SETD2: variants seen among roughly 807,000 people sequenced by gnomAD.
The protein encoded by SETD2 is histone-lysine N-methyltransferase SETD2.
SETD2 carries 31 observed loss-of-function variants against 242.1 expected under a neutral mutation model. The ratio of observed to expected loss-of-function variants is 0.13; its 90% CI spans 0.10 to 0.17. The LOEUF (loss-of-function observed/expected upper bound fraction) is 0.17, where lower values mean the gene tolerates loss of function less well. Among genes scored for constraint, SETD2 ranks in the 10% least tolerant of loss-of-function variants. SETD2 has a pLI of 1.00. For synonymous variants in SETD2, 1,006 were observed against 1,066.5 expected (o/e 0.94, Z 1.11); for missense variants, 2,481 against 3,046.3 (o/e 0.81, Z 4.37).
At chr3:47,127,123 G>T (rs2043352113) in intron 1 of SETD2, among the ~76,000 whole-genome samples, 1 of 152,146 alleles carries the variant, frequency 6.6e-6, no homozygotes. Flanking sequence ...TTGGGAGGCT[G>T]AGGCCGGCTG....
intron 1 of SETD2, among the ~76,000 whole-genome samples, chr3:47,152,796 G>A (rs1333251475): frequency 3.3e-5 from 5 of 152,194 alleles, no homozygotes; most frequent in African/African-American, 1.2e-4. Context: ...CAAGCCCAGA[G>A]CAGTGCTCCC....
At chr3:47,148,809 C>T (rs1283520262) in intron 1 of SETD2, among the ~76,000 whole-genome samples, 1 of 152,134 alleles carries the variant, frequency 6.6e-6, no homozygotes, top group African/African-American at 2.4e-5. Context: ...CGCCTGTAAT[C>T]CCAGCACTTT....
chr3:47,153,060 C>A (rs1013335309), intron 1 of SETD2, among the ~76,000 whole-genome samples: 2 of 151,972 alleles, frequency 1.3e-5, no homozygotes, highest in Admixed American at 6.6e-5. Context: ...TGGCTCACGC[C>A]TGTAATCCCA....
At chr3:47,134,972 A>G (rs1010009576) in intron 1 of SETD2, among the ~76,000 whole-genome samples, 3 of 152,150 alleles carry the variant, frequency 2.0e-5, no homozygotes, top group South Asian at 2.1e-4. Flanking sequence ...ATCACCTCTC[A>G]TATCAATCAG....
intron 13 of SETD2, 119 bp downstream of exon 13, chr3:47,066,951 C>T: frequency 1.5e-6 from 1 of 661,640 alleles, no homozygotes; most frequent in Non-Finnish European, 2.6e-6. Flanking sequence ...ATTTCATTTA[C>T]CTAGTTATAT....
At chr3:47,062,437 T>A (rs1273125044) in intron 13 of SETD2, 91 bp from the exon 14 acceptor site, 1 of 1,183,992 alleles carries the variant, frequency 8.4e-7, no homozygotes, top group Non-Finnish European at 1.2e-6. Context: ...AACTGTATAA[T>A]AAAACTTCTA....
intron 12 of SETD2, among the ~76,000 whole-genome samples, chr3:47,076,174 A>G (rs1468765759): frequency 6.6e-6 from 1 of 152,210 alleles, no homozygotes; most frequent in Non-Finnish European, 1.5e-5. Context: ...CGGGGGGGAA[A>G]AGGAAGAAAT....
At chr3:47,069,477 T>C (rs2040717390) in intron 12 of SETD2, among the ~76,000 whole-genome samples, 4 of 152,178 alleles carry the variant, frequency 2.6e-5, no homozygotes, top group South Asian at 2.1e-4. Flanking sequence ...AATCTCTGGA[T>C]GTGGATGCCA....
At position 47,123,745 on chromosome 3, in the gene SETD2, C is replaced by G. The variant is rs1223812732; in HGVS notation, c.891G>C (p.Lys297Asn). The G allele has an allele frequency of 6.5e-7, 1 of 1,550,310 alleles. No homozygotes were observed. Among genetic ancestry groups the G allele is most frequent in the East Asian group, 2.4e-5 (1 of 40,904 alleles). The stretch of plus-strand genomic sequence containing the variant: ...CTGTTTTTTTACAGCTCAGACTAAT[C>G]TTAGAACTATCTGGAATTTCTTCAT... ...GKDEEIPDSS[K>N]ISLSCKKTGS... The change falls in exon 3 of 21, where the codon AAG becomes AAC. Residue 297 changes from lysine to asparagine, a missense_variant. By Grantham distance (94) the Lys-to-Asn change is moderately conservative (BLOSUM62 0). Transcript: ENST00000409792.
At chr3:47,160,947 T>C (rs1219192957) in intron 1 of SETD2, among the ~76,000 whole-genome samples, 1 of 152,120 alleles carries the variant, frequency 6.6e-6, no homozygotes, top group Non-Finnish European at 1.5e-5. Flanking sequence ...AAAAAAGACA[T>C]CTTGCAGCTG....
Position 47,120,848 on chromosome 3 carries a change from G to C in SETD2, c.3788C>G (p.Ser1263Cys), listed in dbSNP as rs760745679. 1.2e-6 allele frequency: 2 copies of C among 1,614,112 alleles called. No homozygotes were observed. The highest frequency in any genetic ancestry group is 1.7e-5 in the Admixed American group (1 of 60,010). ...EELRNLGWDF[S>C]QEKPSTTYQQ... Reference sequence around the variant, plus strand: ...ATACGTGGTAGAAGGCTTTTCTTGAGAGAAGTCCCAACCTAAGTTTCTGAG... The same window carrying C: ...ATACGTGGTAGAAGGCTTTTCTTGACAGAAGTCCCAACCTAAGTTTCTGAG... Residue 1263 changes from serine to cysteine, a missense_variant, in exon 3 of 21, where the codon TCT becomes TGT. Ser to Cys is a moderately radical substitution (Grantham distance 112). Coordinates refer to ENST00000409792, the MANE Select transcript of SETD2 (RefSeq NM_014159.7).
chr3:47,025,082 C>T (rs181161114), intron 18 of SETD2, among the ~76,000 whole-genome samples: 1 of 152,334 alleles, frequency 6.6e-6, no homozygotes, highest in East Asian at 1.9e-4. Flanking sequence ...CCAACAAGCA[C>T]CAATTTACTG....
At chr3:47,084,426 C>CTT (rs5848822) in intron 11 of SETD2, 44 bp from the exon 12 acceptor site, 1,561 of 975,876 alleles carry the variant, frequency 1.6e-3, no homozygotes, top group Middle Eastern at 4.1e-3. Context: ...GTACAGTTGA[C>CTT]TTTTTTTTTT....
intron 1 of SETD2, chr3:47,145,665 C>T (rs2043834267): frequency 3.7e-6 from 1 of 269,156 alleles, no homozygotes; most frequent in African/African-American, 2.2e-5. Flanking sequence ...TCAGATTTCA[C>T]ATTTTTGGAT....
At chr3:47,037,919 T>C (rs2039093173) in intron 17 of SETD2, 142 bp from the exon 18 acceptor site, 4 of 614,674 alleles carry the variant, frequency 6.5e-6, no homozygotes, top group Non-Finnish European at 3.0e-6. Flanking sequence ...AGACAAACTT[T>C]TTCTATCTTC....
In SETD2 at chr3:47,123,183, T is replaced by C. The variant is rs1305422724; in HGVS notation, c.1453A>G (p.Thr485Ala). Residue 485 changes from threonine (T) to alanine (A), a missense_variant, in exon 3 of 21, where the codon ACA becomes GCA. Physicochemically the swap from Thr to Ala is moderately conservative, Grantham distance 58. This residue lies in a region of SETD2 where 1,300 missense variants were observed against 1,259.2 expected (regional missense o/e 1.03). Transcript: ENST00000409792. ...CGATCAGATTTAGAATAGGATGATG[T>C]CCTTAGGTCTCTGTAAGAAGAGGAA... ...SHSSSYRDLR[T>A]SSYSKSDRDC... The C allele has an allele frequency of 1.9e-6, 3 of 1,599,692 alleles. No homozygotes were observed. Among genetic ancestry groups the C allele is most frequent in the African/African-American group, 1.3e-5 (1 of 74,632 alleles).
chr3:47,044,876 T>G (rs925172568), intron 16 of SETD2, among the ~76,000 whole-genome samples: 9 of 152,124 alleles, frequency 5.9e-5, no homozygotes, highest in Non-Finnish European at 1.2e-4. Flanking sequence ...ACATTTTGAG[T>G]GCTGACATGA....
At chr3:47,144,578 G>A (rs2043809668) in intron 1 of SETD2, among the ~76,000 whole-genome samples, 1 of 152,180 alleles carries the variant, frequency 6.6e-6, no homozygotes, top group Non-Finnish European at 1.5e-5. Context: ...GGGAGTCAGA[G>A]GTTGCACTGA....
At chr3:47,033,410 A>G (rs969357089) in intron 18 of SETD2, among the ~76,000 whole-genome samples, 2 of 152,212 alleles carry the variant, frequency 1.3e-5, no homozygotes, top group African/African-American at 4.8e-5. Context: ...ATGCTGAGGA[A>G]GCACATGGTG....
Sources: allele counts gnomAD v4.1 joint callset (sites outside exome capture counted in the v4.1 genomes callset), GRCh38; gene constraint gnomAD v4.1.1; regional missense constraint gnomAD v4.1.1; transcripts MANE v1.5; gene names NCBI Gene and HGNC (gene_info 2026-07-23, HGNC 2026-07-21).